INPP4B: variants seen among roughly 807,000 people sequenced by gnomAD.
INPP4B encodes inositol polyphosphate 4-phosphatase type II.
A neutral mutation model predicts 122.5 loss-of-function variants in INPP4B; 55 were observed. The observed-to-expected ratio is 0.45, with a 90% CI of 0.36 to 0.56. The LOEUF (loss-of-function observed/expected upper bound fraction) is 0.56, where lower values mean the gene tolerates loss of function less well. Among genes scored for constraint, INPP4B ranks in the 20% least tolerant of loss-of-function variants. The pLI is 0.00. For synonymous variants in INPP4B, 403 were observed against 388.7 expected (o/e 1.04, Z -0.43); for missense variants, 1,000 against 1,097.7 (o/e 0.91, Z 1.26).
At chr4:142,155,788 T>C (rs1480072937) in intron 17 of INPP4B, among the ~76,000 whole-genome samples, 1 of 151,956 alleles carries the variant, frequency 6.6e-6, no homozygotes, top group Non-Finnish European at 1.5e-5. Flanking sequence ...CATATAAATC[T>C]TATTCCCAAA....
At chr4:142,382,597 T>C (rs1349547556) in intron 7 of INPP4B, among the ~76,000 whole-genome samples, 1 of 133,510 alleles carries the variant, frequency 7.5e-6, no homozygotes, top group Non-Finnish European at 1.5e-5. Flanking sequence ...ATACTATAAA[T>C]ATATATATTT....
chr4:142,672,656 C>T (rs983925456), intron 2 of INPP4B, among the ~76,000 whole-genome samples: 4 of 151,948 alleles, frequency 2.6e-5, no homozygotes, highest in African/African-American at 9.7e-5. Context: ...ACACAATTTC[C>T]ATATCACACA....
At chr4:142,504,634 A>G (rs1358459138) in intron 2 of INPP4B, among the ~76,000 whole-genome samples, 1 of 152,172 alleles carries the variant, frequency 6.6e-6, no homozygotes, top group Non-Finnish European at 1.5e-5. Context: ...GAGTGATGAT[A>G]TACTACACAA....
chr4:142,338,518 G>A (rs564817593), intron 7 of INPP4B, among the ~76,000 whole-genome samples: 3 of 152,228 alleles, frequency 2.0e-5, no homozygotes, highest in Non-Finnish European at 4.4e-5. Flanking sequence ...GATTACAGGC[G>A]TGAGCCACCA....
intron 2 of INPP4B, among the ~76,000 whole-genome samples, chr4:142,467,731 T>C (rs1449184863): frequency 1.3e-5 from 2 of 151,998 alleles, no homozygotes. Flanking sequence ...AGGGGCAAAA[T>C]GATATGGTTT....
intron 7 of INPP4B, among the ~76,000 whole-genome samples, chr4:142,382,514 A>C (rs1794478721): frequency 6.7e-6 from 1 of 149,056 alleles, no homozygotes. Flanking sequence ...TTCAAAAAAA[A>C]CAAAAAACAT....
chr4:142,649,566 A>G (rs1752505370), intron 2 of INPP4B, among the ~76,000 whole-genome samples: 1 of 152,254 alleles, frequency 6.6e-6, no homozygotes. Context: ...TTCGTGATGC[A>G]TACATAAGCT....
chr4:142,629,661 A>C (rs767430745), intron 2 of INPP4B, among the ~76,000 whole-genome samples: 7 of 152,086 alleles, frequency 4.6e-5, no homozygotes, highest in African/African-American at 7.2e-5. Context: ...AACATGACAC[A>C]CTTGGAGGGA....
chr4:142,401,137 C>G (rs932291134), intron 7 of INPP4B, among the ~76,000 whole-genome samples: 3 of 152,096 alleles, frequency 2.0e-5, no homozygotes, highest in African/African-American at 7.2e-5. Context: ...TTGTCCTGAT[C>G]ATTTCTCTGC....
intron 17 of INPP4B, among the ~76,000 whole-genome samples, chr4:142,147,179 C>A (rs1293945017): frequency 6.6e-6 from 1 of 152,088 alleles, no homozygotes; most frequent in Non-Finnish European, 1.5e-5. Context: ...ATCCCAGGAA[C>A]CTGGAGTACC....
intron 16 of INPP4B, among the ~76,000 whole-genome samples, chr4:142,167,401 A>G (rs1823321383): frequency 6.6e-6 from 1 of 151,666 alleles, no homozygotes. Flanking sequence ...GGAAGATGGT[A>G]TGGTAGGGAG....
At chr4:142,595,595 C>T (rs1738522545) in intron 2 of INPP4B, among the ~76,000 whole-genome samples, 3 of 152,104 alleles carry the variant, frequency 2.0e-5, no homozygotes, top group African/African-American at 7.2e-5. Flanking sequence ...AGAGAGAGTA[C>T]TATTTTTTAT....
chr4:142,770,262 C>G (rs35918867), intron 1 of INPP4B, among the ~76,000 whole-genome samples: 1 of 152,078 alleles, frequency 6.6e-6, no homozygotes, highest in Non-Finnish European at 1.5e-5. Flanking sequence ...GAAGTAAAGC[C>G]ATCAACCTTG....
chr4:142,244,575 T>C (rs1483927758), intron 11 of INPP4B, among the ~76,000 whole-genome samples: 1 of 152,098 alleles, frequency 6.6e-6, no homozygotes, highest in East Asian at 1.9e-4. Context: ...AGTGCTGGGA[T>C]TACAGGTGTG....
intron 1 of INPP4B, among the ~76,000 whole-genome samples, chr4:142,829,870 C>G (rs1416311807): frequency 6.6e-6 from 1 of 152,114 alleles, no homozygotes; most frequent in Non-Finnish European, 1.5e-5. Context: ...AGTAACGGGA[C>G]TGATAAAGTC....
chr4:142,446,845 T>C (rs1056815982), intron 3 of INPP4B, among the ~76,000 whole-genome samples: 1 of 152,128 alleles, frequency 6.6e-6, no homozygotes, highest in Non-Finnish European at 1.5e-5. Context: ...GCAAAAGTAA[T>C]TGCTAATTTT....
At chr4:142,638,259 AATC>A (rs1749597696) in intron 2 of INPP4B, among the ~76,000 whole-genome samples, 1 of 152,186 alleles carries the variant, frequency 6.6e-6, no homozygotes, top group Non-Finnish European at 1.5e-5. Context: ...GCATCTAAAC[AATC>A]ATCACCATAC....
At chr4:142,256,391 C>G (rs9681863) in intron 11 of INPP4B, among the ~76,000 whole-genome samples, 2 of 150,554 alleles carry the variant, frequency 1.3e-5, no homozygotes, top group Admixed American at 6.6e-5. Flanking sequence ...ACAAAAAACC[C>G]TTCAAAAAAT....
intron 2 of INPP4B, among the ~76,000 whole-genome samples, chr4:142,644,785 C>T (rs1289165961): frequency 1.4e-5 from 2 of 140,542 alleles, no homozygotes; most frequent in African/African-American, 5.3e-5. Context: ...AGTGTAGTGG[C>T]AGGTCCCTGT....
Sources: allele counts gnomAD v4.1 joint callset (sites outside exome capture counted in the v4.1 genomes callset), GRCh38; gene constraint gnomAD v4.1.1; transcripts MANE v1.5; gene names NCBI Gene and HGNC (gene_info 2026-07-23, HGNC 2026-07-21).